Variants in OLFM3 observed in about 807,000 individuals in gnomAD.
OLFM3 encodes noelin-3.
Under a neutral mutation model 48.6 loss-of-function variants are expected in OLFM3, and 20 were observed. The ratio of observed to expected loss-of-function variants is 0.41; its 90% CI spans 0.29 to 0.60. OLFM3 has a LOEUF of 0.60. Among genes scored for constraint, OLFM3 ranks in the 20% least tolerant of loss-of-function variants. The probability of loss-of-function intolerance (pLI) is 0.28; values close to 1 mark genes in which losing one functional copy is unlikely to be tolerated. For synonymous variants in OLFM3, 222 were observed against 198.1 expected, an observed-to-expected ratio of 1.12 and a Z score of -1.01; for missense variants, 437 against 544.3, an observed-to-expected ratio of 0.80 and a Z score of 1.96.
chr1:101,830,000 A>G (rs942608706), intron 3 of OLFM3, among the ~76,000 whole-genome samples: 4 of 151,488 alleles, frequency 2.6e-5, no homozygotes, highest in Non-Finnish European at 5.9e-5. Flanking sequence ...ACACCCGGCT[A>G]ATTTTTTTTT....
chr1:101,849,968 G>T (rs1656159548), intron 1 of OLFM3, among the ~76,000 whole-genome samples: 1 of 152,128 alleles, frequency 6.6e-6, no homozygotes, highest in Non-Finnish European at 1.5e-5. Context: ...GTTCAGAAAA[G>T]AATTAATTTC....
rs370523207 is a variant in OLFM3 at position 101,866,808 on chromosome 1, G to A, written c.70-29783C>T. Among the ~76,000 whole-genome samples the A allele has an allele frequency of 7.2e-5, 11 of 151,944 alleles. No individual in the cohort carries two copies. In the East Asian group the frequency reaches 1.7e-3, roughly 24 times the overall value. On this transcript the variant is annotated intron_variant, in intron 1 of 5. Transcript: ENST00000370103. ...AAAATACAGATAGTAAGTATGACTC[G>A]GTAATGGAATGTAACATCTCTAATT... is the stretch of plus-strand genomic sequence containing the variant.
At chr1:101,825,924 G>T (rs6659145) in intron 3 of OLFM3, among the ~76,000 whole-genome samples, 98,229 of 152,040 alleles carry the variant, frequency 0.65, 32,020 homozygotes, top group African/African-American at 0.68. Flanking sequence ...CTCAAATAAA[G>T]GTATGTTACT....
At chr1:101,824,549 G>A (rs532061604) in intron 4 of OLFM3, among the ~76,000 whole-genome samples, 1 of 152,102 alleles carries the variant, frequency 6.6e-6, no homozygotes, top group Non-Finnish European at 1.5e-5. Context: ...CTGTAAATTG[G>A]AGGAATTATT....
At chr1:101,894,243 T>C (rs1239515605) in intron 1 of OLFM3, among the ~76,000 whole-genome samples, 1 of 152,106 alleles carries the variant, frequency 6.6e-6, no homozygotes, top group Non-Finnish European at 1.5e-5. Context: ...CCAACAAACC[T>C]CTCTCCACTT....
intron 1 of OLFM3, among the ~76,000 whole-genome samples, chr1:101,994,319 G>A (rs1481944136): frequency 6.6e-6 from 1 of 150,826 alleles, no homozygotes; most frequent in African/African-American, 2.4e-5. Context: ...AAGGCAGTTG[G>A]TTAGCATTTC....
At chr1:101,883,003 G>A (rs1268956452) in intron 1 of OLFM3, 1 of 151,808 alleles carries the variant, frequency 6.6e-6, no homozygotes, top group Admixed American at 6.6e-5. Flanking sequence ...TAGTTCCTTA[G>A]TTCAAGGCTT....
chr1:101,970,740 A>G (rs896327978), intron 1 of OLFM3, among the ~76,000 whole-genome samples: 7 of 152,188 alleles, frequency 4.6e-5, no homozygotes, highest in African/African-American at 1.7e-4. Context: ...GGAGAAAAGG[A>G]CCACCCTCCC....
chr1:101,980,918 G>T (rs1007139102), intron 1 of OLFM3, among the ~76,000 whole-genome samples: 3 of 152,120 alleles, frequency 2.0e-5, no homozygotes, highest in Non-Finnish European at 4.4e-5. Context: ...ATTCATTATC[G>T]ATTTAGTCCA....
intron 1 of OLFM3, among the ~76,000 whole-genome samples, chr1:101,959,827 G>A (rs1386185503): frequency 6.6e-6 from 1 of 152,146 alleles, no homozygotes; most frequent in Non-Finnish European, 1.5e-5. Flanking sequence ...AAACTCACAA[G>A]AAAGTGGCAT....
intron 1 of OLFM3, among the ~76,000 whole-genome samples, chr1:101,954,769 G>T (rs1660239747): frequency 2.0e-5 from 3 of 152,030 alleles, no homozygotes; most frequent in South Asian, 4.1e-4. Context: ...GGTGATTGGG[G>T]TTAGTCAAAA....
At chr1:101,996,491 G>C (rs1661560822) in intron 1 of OLFM3, among the ~76,000 whole-genome samples, 1 of 152,100 alleles carries the variant, frequency 6.6e-6, no homozygotes, top group African/African-American at 2.4e-5. Flanking sequence ...ATTCCCCGGA[G>C]AGCCGCATTG....
Position 101,834,761 on chromosome 1 carries a change from G to A in OLFM3, c.216+2118C>T, listed in dbSNP as rs1655322690. On this transcript the variant is annotated intron_variant, in intron 2 of 5. Transcript: ENST00000370103. Reference sequence around the variant, plus strand: ...ATTTATGTATTAATAAATTTTTAAAGGTATTATGTTCTAGAATTTCTTGAA... The same window carrying A: ...ATTTATGTATTAATAAATTTTTAAAAGTATTATGTTCTAGAATTTCTTGAA... Among the ~76,000 whole-genome samples the A allele has an allele frequency of 1.3e-5, 2 of 152,082 alleles. 1 individual carries two copies. Among genetic ancestry groups the A allele is most frequent in the South Asian group, 4.1e-4 (2 of 4,826 alleles).
chr1:101,833,384 G>A (rs78024264), intron 2 of OLFM3, among the ~76,000 whole-genome samples: 2,288 of 152,284 alleles, frequency 0.015, 62 homozygotes, highest in African/African-American at 0.053. Flanking sequence ...TTATAACTAG[G>A]ATTGTTTAGT....
At chr1:101,921,390 A>G (rs12070767) in intron 1 of OLFM3, among the ~76,000 whole-genome samples, 54,369 of 152,072 alleles carry the variant, frequency 0.36, 9,876 homozygotes, top group African/African-American at 0.44. Context: ...ATATTTTGAA[A>G]AACAGAGGCT....
chr1:101,810,245 G>T (rs1249294186), intron 4 of OLFM3, among the ~76,000 whole-genome samples: 1 of 151,930 alleles, frequency 6.6e-6, no homozygotes, highest in Non-Finnish European at 1.5e-5. Flanking sequence ...AAACATGAAA[G>T]AAAGCAGAGT....
At chr1:101,918,337 G>T (rs4908201) in intron 1 of OLFM3, among the ~76,000 whole-genome samples, 65,782 of 151,916 alleles carry the variant, frequency 0.43, 14,339 homozygotes, top group East Asian at 0.59. Flanking sequence ...ATCTTAAGTT[G>T]TTTTGGTCAG....
intron 1 of OLFM3, among the ~76,000 whole-genome samples, chr1:101,971,773 T>C (rs1467277509): frequency 1.3e-5 from 2 of 152,172 alleles, no homozygotes; most frequent in Non-Finnish European, 2.9e-5. Flanking sequence ...TGTTCACTTA[T>C]TATTAATCAC....
At chr1:101,840,032 A>G (rs1421945072) in intron 1 of OLFM3, among the ~76,000 whole-genome samples, 1 of 152,178 alleles carries the variant, frequency 6.6e-6, no homozygotes, top group African/African-American at 2.4e-5. Flanking sequence ...GTCAGTGATA[A>G]ATAGAAGCTT....
Sources: gnomAD v4.1 joint callset for allele counts (sites outside exome capture counted in the v4.1 genomes callset) on GRCh38, gnomAD v4.1.1 for gene constraint, MANE v1.5 for transcripts, NCBI Gene and HGNC (gene_info 2026-07-23, HGNC 2026-07-21) for gene names.